Variants in RNLS observed in about 807,000 individuals in gnomAD.
RNLS encodes renalase.
In RNLS, 39 loss-of-function variants were observed where a neutral mutation model predicts 39.8. The observed-to-expected ratio is 0.98, with a 90% CI of 0.76 to 1.28. The LOEUF is 1.28. RNLS is among the 50% of genes most tolerant of loss of function. The pLI is 0.00. For missense variants in RNLS, 410 were observed against 413.3 expected, an observed-to-expected ratio of 0.99 and a Z score of 0.07; for synonymous variants, 147 against 150.7, an observed-to-expected ratio of 0.98 and a Z score of 0.18.
chr10:88,554,534 C>T (rs1423103538), intron 4 of RNLS, among the ~76,000 whole-genome samples: 2 of 152,032 alleles, frequency 1.3e-5, no homozygotes, highest in African/African-American at 2.4e-5. Flanking sequence ...CTTCCCCTCT[C>T]TCTACAAATC....
At chr10:88,288,416 T>A (rs1196949311) in intron 6 of RNLS, among the ~76,000 whole-genome samples, 2 of 152,156 alleles carry the variant, frequency 1.3e-5, no homozygotes, top group Non-Finnish European at 1.5e-5. Context: ...AAATTTTTGA[T>A]TAGTCACTTA....
At chr10:88,408,183 GAGA>G (rs916354740) in intron 4 of RNLS, among the ~76,000 whole-genome samples, 1 of 152,198 alleles carries the variant, frequency 6.6e-6, no homozygotes, top group African/African-American at 2.4e-5. Flanking sequence ...GCTTTATGTA[GAGA>G]AGAATTGTTC....
intron 4 of RNLS, among the ~76,000 whole-genome samples, chr10:88,475,716 G>C (rs1053256048): frequency 6.6e-6 from 1 of 152,054 alleles, no homozygotes; most frequent in African/African-American, 2.4e-5. Context: ...CTGGCTTTTG[G>C]GGGGTGGGAC....
At chr10:88,514,975 G>C (rs1460095981) in intron 4 of RNLS, among the ~76,000 whole-genome samples, 1 of 152,042 alleles carries the variant, frequency 6.6e-6, no homozygotes, top group Admixed American at 6.6e-5. Context: ...GTTTTCCATA[G>C]TGGCTGTTCA....
chr10:88,349,642 CA>C lies in RNLS; in HGVS notation c.700+12909del, dbSNP rs555790121. ...TAAAAGTGAGAAATATATGAAATCA[CA>C]ATATTCTATTTTATAATTTGTGCCT... On this transcript the variant is annotated intron_variant, in intron 5 of 6. Coordinates refer to ENST00000331772, the MANE Select transcript of RNLS (RefSeq NM_001031709.3). Among the ~76,000 whole-genome samples the C allele has an allele frequency of 1.3e-4, 20 of 152,000 alleles. 1 individual carries two copies. The South Asian group carries it at 3.9e-3, about 30-fold the overall frequency.
At chr10:88,440,300 T>C (rs541874126) in intron 4 of RNLS, among the ~76,000 whole-genome samples, 3 of 152,328 alleles carry the variant, frequency 2.0e-5, no homozygotes, top group East Asian at 3.9e-4. Context: ...ATTAGACTGG[T>C]AGAAAAGATC....
At position 88,454,172 on chromosome 10, in the gene RNLS, T is replaced by G. The variant is rs556439327; in HGVS notation, c.527-91447A>C. The stretch of plus-strand genomic sequence containing the variant: ...AAAGAATGGTTGGTGAGAGAAGAGA[T>G]AATCCTGGAAGCCTAGGGTAGAAAG... On this transcript the variant is annotated intron_variant, in intron 4 of 6. Coordinates refer to ENST00000331772, the MANE Select transcript of RNLS (RefSeq NM_001031709.3). Among the ~76,000 whole-genome samples the G allele has an allele frequency of 6.6e-4, 101 of 152,284 alleles. 1 individual carries two copies. The South Asian group carries it at 7.0e-3, about 11-fold the overall frequency.
intron 6 of RNLS, among the ~76,000 whole-genome samples, chr10:88,291,500 C>G (rs564614203): frequency 3.3e-5 from 5 of 152,280 alleles, no homozygotes; most frequent in South Asian, 4.1e-4. Context: ...GCAGCAACTC[C>G]TGACAGACAT....
At chr10:88,426,058 A>G (rs866619421) in intron 4 of RNLS, among the ~76,000 whole-genome samples, 10 of 152,240 alleles carry the variant, frequency 6.6e-5, no homozygotes, top group Middle Eastern at 6.8e-3. Flanking sequence ...CTAGAATAGT[A>G]TACTTTCAAT....
chr10:88,461,420 G>A lies in RNLS; in HGVS notation c.527-98695C>T, dbSNP rs565197466. Among the ~76,000 whole-genome samples the A allele has an allele frequency of 1.2e-4, 19 of 152,142 alleles. No individual in the cohort carries two copies. In the South Asian group the frequency reaches 3.1e-3, roughly 25 times the overall value. On this transcript the variant is annotated intron_variant, in intron 4 of 6. Coordinates refer to ENST00000331772, the MANE Select transcript of RNLS (RefSeq NM_001031709.3). ...CAAGCAGGCTTTCTCCATGAAAGTCGGCTTCTCTTTTACTTAGGTAACCTT... is the reference window on the plus strand; with the variant it reads ...CAAGCAGGCTTTCTCCATGAAAGTCAGCTTCTCTTTTACTTAGGTAACCTT...
chr10:88,563,147 G>C (rs1320226375), intron 4 of RNLS, among the ~76,000 whole-genome samples: 1 of 152,120 alleles, frequency 6.6e-6, no homozygotes, highest in African/African-American at 2.4e-5. Flanking sequence ...CTAAACTAAT[G>C]CAGTGTAATT....
chr10:88,233,905 TAATC>T, the RNLS span, among the ~76,000 whole-genome samples: 3 of 151,848 alleles, frequency 2.0e-5, no homozygotes, highest in South Asian at 2.1e-4. Context: ...AAGATAATAA[TAATC>T]CTTTCAGGAT....
At chr10:88,561,527 C>T (rs926709394) in intron 4 of RNLS, among the ~76,000 whole-genome samples, 2 of 151,916 alleles carry the variant, frequency 1.3e-5, no homozygotes, top group African/African-American at 2.4e-5. Context: ...AAGCTAGATA[C>T]CTTTCTCATA....
chr10:88,347,644 A>G (rs149357281), intron 5 of RNLS, among the ~76,000 whole-genome samples: 179 of 152,242 alleles, frequency 1.2e-3, no homozygotes, highest in African/African-American at 3.6e-3. Context: ...ATATAAAGCA[A>G]CTGCTCACAC....
intron 4 of RNLS, among the ~76,000 whole-genome samples, chr10:88,571,488 T>G (rs944107838): frequency 6.6e-6 from 1 of 152,182 alleles, no homozygotes; most frequent in Non-Finnish European, 1.5e-5. Context: ...AGAGGACTCA[T>G]GCAAGGGCTA....
chr10:88,224,155 T>C, the RNLS span, among the ~76,000 whole-genome samples: 1 of 152,072 alleles, frequency 6.6e-6, no homozygotes, highest in Non-Finnish European at 1.5e-5. Flanking sequence ...TTATAAATAA[T>C]AGACATGTAT....
At chr10:88,499,510 G>A (rs1440480926) in intron 4 of RNLS, among the ~76,000 whole-genome samples, 1 of 152,102 alleles carries the variant, frequency 6.6e-6, no homozygotes, top group Non-Finnish European at 1.5e-5. Context: ...TATTGTGAGT[G>A]CTTTATCAGA....
At chr10:88,211,982 A>G in the RNLS span, among the ~76,000 whole-genome samples, 1 of 152,210 alleles carries the variant, frequency 6.6e-6, no homozygotes, top group Admixed American at 6.5e-5. Flanking sequence ...GACAGATTCA[A>G]GATCTTTAAA....
chr10:88,186,094 TTAAAA>T, the RNLS span, among the ~76,000 whole-genome samples: 2 of 152,236 alleles, frequency 1.3e-5, no homozygotes, highest in Admixed American at 1.3e-4. Context: ...AAATCTGCTG[TTAAAA>T]TAAGAATATT....
Sources: allele counts gnomAD v4.1 joint callset (sites outside exome capture counted in the v4.1 genomes callset), GRCh38; gene constraint gnomAD v4.1.1; transcripts MANE v1.5; gene names NCBI Gene and HGNC (gene_info 2026-07-23, HGNC 2026-07-21).